Variants in HORMAD2 observed in about 807,000 individuals in gnomAD.
HORMAD2 encodes HORMA domain-containing protein 2.
In HORMAD2, 45 loss-of-function variants were observed where a neutral mutation model predicts 38.8. That is an observed-to-expected ratio of 1.16 (90% CI 0.91 to 1.49). HORMAD2 has a LOEUF of 1.49. Ranked by LOEUF, HORMAD2 falls within the 40% of genes most tolerant of loss-of-function variation. The pLI is 0.00. For synonymous variants in HORMAD2, 126 were observed against 122.8 expected, an observed-to-expected ratio of 1.03 and a Z score of -0.17; for missense variants, 338 against 367.0, an observed-to-expected ratio of 0.92 and a Z score of 0.65.
intron 10 of HORMAD2, among the ~76,000 whole-genome samples, chr22:30,131,991 G>T (rs1923317636): frequency 6.6e-6 from 1 of 152,136 alleles, no homozygotes; most frequent in Non-Finnish European, 1.5e-5. Flanking sequence ...TTTACGTGTG[G>T]ACTAGAAAGG....
At chr22:30,111,031 G>A (rs978724476) in intron 5 of HORMAD2, among the ~76,000 whole-genome samples, 5 of 151,112 alleles carry the variant, frequency 3.3e-5, no homozygotes, top group African/African-American at 9.7e-5. Flanking sequence ...TGGTGCATGC[G>A]TGTAATCCCA....
chr22:30,147,904 G>A (rs1924516639), intron 10 of HORMAD2, among the ~76,000 whole-genome samples: 1 of 152,144 alleles, frequency 6.6e-6, no homozygotes. Flanking sequence ...GAGCCCAGTA[G>A]TTCAAGACCA....
intron 10 of HORMAD2, among the ~76,000 whole-genome samples, chr22:30,155,124 G>C (rs954744337): frequency 9.9e-5 from 15 of 150,958 alleles, no homozygotes; most frequent in African/African-American, 1.7e-4. Context: ...TCACAGAATT[G>C]GTGCTGAGTA....
At chr22:30,077,981 A>T (rs1038131087), upstream of HORMAD2, among the ~76,000 whole-genome samples, 4 of 152,194 alleles carry the variant, frequency 2.6e-5, no homozygotes, top group African/African-American at 9.6e-5. Flanking sequence ...ACAGCTCTTG[A>T]CCTCAAGGAG....
intron 10 of HORMAD2, among the ~76,000 whole-genome samples, chr22:30,134,728 T>TC (rs1923542438): frequency 6.6e-6 from 1 of 151,884 alleles, no homozygotes; most frequent in Admixed American, 6.6e-5. Flanking sequence ...TATATTCTAA[T>TC]CAACAATAGG....
At chr22:30,135,381 G>C (rs1886433574) in intron 10 of HORMAD2, among the ~76,000 whole-genome samples, 1 of 151,846 alleles carries the variant, frequency 6.6e-6, no homozygotes, top group African/African-American at 2.4e-5. Context: ...GCACCTTCCA[G>C]ACCACTGGTT....
intron 5 of HORMAD2, among the ~76,000 whole-genome samples, chr22:30,107,973 ATTC>A (rs1921329682): frequency 1.3e-5 from 2 of 151,084 alleles, no homozygotes; most frequent in South Asian, 4.2e-4. Flanking sequence ...AGTTCAAGCA[ATTC>A]TTCTGCCTCA....
the HORMAD2 span, among the ~76,000 whole-genome samples, chr22:30,200,773 G>C: frequency 2.4e-5 from 3 of 124,034 alleles, no homozygotes; most frequent in African/African-American, 9.7e-5. Flanking sequence ...ATTTTGAGAC[G>C]GAGTCTGGCT....
At chr22:30,188,238 G>A in the HORMAD2 span, among the ~76,000 whole-genome samples, 1 of 152,076 alleles carries the variant, frequency 6.6e-6, no homozygotes, top group Non-Finnish European at 1.5e-5. Flanking sequence ...ATAGATATGT[G>A]CTGACCTAAC....
rs1926472481 is a variant in HORMAD2, at chr22:30,176,599, T to G, written c.*432T>G. On this transcript the variant is annotated 3_prime_UTR_variant, in exon 11 of 11. Transcript: ENST00000336726. ...ATCCCTCTCTAGCTGTATTAAAAAT[T>G]CCCACAGAGTTGCATAGGATGTGTG... 1 of 156,566 alleles carries G rather than the reference T, an allele frequency of 6.4e-6. No homozygotes were observed. The highest frequency in any genetic ancestry group is 2.4e-5 in the African/African-American group (1 of 41,494). 9.7% of individuals were successfully genotyped at this position (156,566 alleles called of 1,614,324 possible). A position where few individuals can be genotyped will look rare whatever the true frequency, so the allele number is the denominator to read the frequency against.
intron 10 of HORMAD2, among the ~76,000 whole-genome samples, chr22:30,160,665 G>C (rs1601588041): frequency 6.6e-6 from 1 of 152,036 alleles, no homozygotes; most frequent in African/African-American, 2.4e-5. Flanking sequence ...ATTACCTTTT[G>C]AATTGCATAT....
At chr22:30,197,178 G>A in the HORMAD2 span, among the ~76,000 whole-genome samples, 1 of 152,006 alleles carries the variant, frequency 6.6e-6, no homozygotes, top group African/African-American at 2.4e-5. Context: ...GACAGGGTGG[G>A]GTTGGATGTG....
At chr22:30,200,109 G>A in the HORMAD2 span, among the ~76,000 whole-genome samples, 1 of 151,768 alleles carries the variant, frequency 6.6e-6, no homozygotes, top group Non-Finnish European at 1.5e-5. Context: ...TAGAGATGGG[G>A]TTTCACCATG....
At chr22:30,185,736 A>G in the HORMAD2 span, among the ~76,000 whole-genome samples, 104 of 152,310 alleles carry the variant, frequency 6.8e-4, 1 homozygote, top group Non-Finnish European at 1.1e-3. Flanking sequence ...TCAAAAACCT[A>G]TAACTGAAAT....
intron 10 of HORMAD2, among the ~76,000 whole-genome samples, chr22:30,175,701 T>A (rs534138614): frequency 8.3e-4 from 127 of 152,250 alleles, no homozygotes; most frequent in Non-Finnish European, 1.5e-3. Flanking sequence ...GGACTTAAAT[T>A]ACATTTGCCT....
chr22:30,133,641 AC>A lies in HORMAD2; in HGVS notation c.819+11428del, dbSNP rs201712052. 8.6e-3 allele frequency among the ~76,000 whole-genome samples: 1,285 copies of A among 150,102 alleles called. 13 individuals are homozygous for A. The highest frequency in any genetic ancestry group is 0.018 in the South Asian group (85 of 4,740). Reference sequence around the variant, plus strand: ...CAACTGTGGGTTTAAACTGTTAAAAACAAAAAACAAAAAAAAGGATGATTGG... The same window carrying A: ...CAACTGTGGGTTTAAACTGTTAAAAAAAAAAACAAAAAAAAGGATGATTGG... On this transcript the variant is annotated intron_variant, in intron 10 of 10. Transcript: ENST00000336726.
At chr22:30,163,999 C>T (rs1486903419) in intron 10 of HORMAD2, among the ~76,000 whole-genome samples, 1 of 152,094 alleles carries the variant, frequency 6.6e-6, no homozygotes, top group East Asian at 1.9e-4. Context: ...TATTTTCTGT[C>T]TCTATTAATT....
the HORMAD2 span, among the ~76,000 whole-genome samples, chr22:30,189,047 G>A: frequency 1.3e-5 from 2 of 151,564 alleles, no homozygotes; most frequent in African/African-American, 2.4e-5. Context: ...AGTCCAGGAG[G>A]TCAAGGCTTC....
the HORMAD2 span, among the ~76,000 whole-genome samples, chr22:30,204,225 G>C: frequency 7.6e-3 from 1,152 of 152,246 alleles, 11 homozygotes; most frequent in African/African-American, 0.026. Context: ...CATAGCCCCA[G>C]GTCACCCACG....
Sources: gnomAD v4.1 joint callset for allele counts (sites outside exome capture counted in the v4.1 genomes callset) on GRCh38, gnomAD v4.1.1 for gene constraint, MANE v1.5 for transcripts, NCBI Gene and HGNC (gene_info 2026-07-23, HGNC 2026-07-21) for gene names.